Variants in C10orf143 observed in about 807,000 individuals in gnomAD.
The protein encoded by C10orf143 is uncharacterized protein C10orf143.
rs752577005 is a variant in C10orf143, at chr10:130,106,861, A to G, written c.69+3843T>C. The G allele has an allele frequency of 3.6e-6, 4 of 1,122,860 alleles. No individual in the cohort carries two copies. In the Admixed American group the frequency reaches 5.1e-5, roughly 14 times the overall value. 69.6% of individuals were successfully genotyped at this position (1,122,860 alleles called of 1,614,324 possible). On this transcript the variant is annotated intron_variant, in intron 1 of 3. Coordinates refer to ENST00000637128, the MANE Select transcript of C10orf143 (RefSeq NM_001355042.2). The stretch of plus-strand genomic sequence containing the variant: ...TCAAGACTCTGACTGAACATTTGCT[A>G]AAGATGAAAGATTGGGCTGCTAGGC...
intron 1 of C10orf143, among the ~76,000 whole-genome samples, chr10:130,089,547 T>G (rs1200116785): frequency 6.6e-6 from 1 of 152,228 alleles, no homozygotes; most frequent in Non-Finnish European, 1.5e-5. Context: ...AGCTGGGTCT[T>G]GAGTCTGCTT....
chr10:130,046,120 G>A (rs953476743), intron 3 of C10orf143, among the ~76,000 whole-genome samples: 1 of 151,212 alleles, frequency 6.6e-6, no homozygotes, highest in Non-Finnish European at 1.5e-5. Context: ...GGGACGGGGC[G>A]TGGCGTGGGG....
chr10:130,075,991 G>GTT (rs1003386182), intron 3 of C10orf143, among the ~76,000 whole-genome samples: 19 of 146,678 alleles, frequency 1.3e-4, no homozygotes, highest in South Asian at 8.4e-4. Context: ...TTGTTTGTTT[G>GTT]TTTTTTTTTT....
intron 3 of C10orf143, among the ~76,000 whole-genome samples, chr10:130,055,286 C>T (rs1196039987): frequency 1.3e-5 from 2 of 152,172 alleles, no homozygotes; most frequent in East Asian, 1.9e-4. Context: ...AGCTTCTTTA[C>T]AGCAAAGGAA....
intron 1 of C10orf143, chr10:130,106,253 C>G: frequency 6.6e-7 from 1 of 1,518,956 alleles, no homozygotes; most frequent in Non-Finnish European, 9.1e-7. Context: ...TAGGAGTCGG[C>G]TTTATGTGGG....
intron 1 of C10orf143, among the ~76,000 whole-genome samples, chr10:130,105,189 C>T (rs1861620419): frequency 6.6e-6 from 1 of 152,134 alleles, no homozygotes; most frequent in Non-Finnish European, 1.5e-5. Context: ...TGGCCTCCCA[C>T]AGTGCTGGGA....
At chr10:130,107,350 T>C in intron 1 of C10orf143, 2 of 1,073,338 alleles carry the variant, frequency 1.9e-6, no homozygotes, top group Non-Finnish European at 2.9e-6. Flanking sequence ...GAGCCAAAGA[T>C]CTTGAAGAAG....
intron 3 of C10orf143, among the ~76,000 whole-genome samples, chr10:130,075,607 A>T (rs774437003): frequency 1.2e-4 from 18 of 152,212 alleles, no homozygotes; most frequent in Non-Finnish European, 2.5e-4. Context: ...GGGGGAGCTG[A>T]TATGGTTCGG....
At position 130,065,300 on chromosome 10, in the gene C10orf143, T is replaced by A. The variant is rs1342448868; in HGVS notation, c.298-917A>T. 3.3e-5 allele frequency: 5 copies of A among 152,086 alleles called. No individual in the cohort carries two copies. Among genetic ancestry groups the A allele is most frequent in the African/African-American group, 1.2e-4 (5 of 41,388 alleles). 9.4% of individuals were successfully genotyped at this position (152,086 alleles called of 1,614,324 possible). On this transcript the variant is annotated intron_variant, in intron 3 of 3. Transcript: ENST00000637128. The surrounding 1 kb of genome is among the most constrained non-coding windows in gnomAD (Gnocchi z 4.2). ...CCTTCGAGTGATCAGAACGAAATGCTACAGGAGCCAGGGAAGACAGCACGT... is the reference window on the plus strand; with the variant it reads ...CCTTCGAGTGATCAGAACGAAATGCAACAGGAGCCAGGGAAGACAGCACGT...
At chr10:130,035,599 T>A (rs2764375) in intron 4 of C10orf143, among the ~76,000 whole-genome samples, 38,844 of 152,042 alleles carry the variant, frequency 0.26, 6,013 homozygotes, top group African/African-American at 0.42. Context: ...CACTGCTTAC[T>A]CGGTGCCCTC....
rs758343319 is a variant in C10orf143, at chr10:130,108,183, G to A, written c.69+2521C>T. 2.2e-4 allele frequency: 341 copies of A among 1,572,402 alleles called. No homozygotes were observed. In the Middle Eastern group the frequency reaches 4.5e-3, roughly 21 times the overall value. The stretch of plus-strand genomic sequence containing the variant: ...GATACAAGGGGCCCGTTCATGAGAA[G>A]AGCACCTCCTTTCCCCCCACCTCCT... On this transcript the variant is annotated intron_variant, in intron 1 of 3. Transcript: ENST00000637128.
intron 3 of C10orf143, chr10:130,067,539 G>A (rs1353717528): frequency 6.6e-6 from 1 of 152,162 alleles, no homozygotes; most frequent in Non-Finnish European, 1.5e-5. Flanking sequence ...CCCTCTGTGG[G>A]TTAAAGATGT....
Position 130,099,510 on chromosome 10 carries a change from TTTTA to T in C10orf143, c.69+11190_69+11193del, listed in dbSNP as rs140538908. Among the ~76,000 whole-genome samples the T allele has an allele frequency of 2.7e-3, 403 of 148,646 alleles. 2 individuals carry two copies. The highest frequency in any genetic ancestry group is 6.9e-3 in the Middle Eastern group (2 of 288). On this transcript the variant is annotated intron_variant, in intron 1 of 3. Coordinates refer to ENST00000637128, the MANE Select transcript of C10orf143 (RefSeq NM_001355042.2). ...TTAACTCTGAATCTTCTTCTTTTAT[TTTTA>T]TTTATTTATTTATTTATTTATTTAT...
chr10:130,101,762 A>G (rs1861554447), intron 1 of C10orf143, among the ~76,000 whole-genome samples: 1 of 140,828 alleles, frequency 7.1e-6, no homozygotes, highest in Non-Finnish European at 1.5e-5. Flanking sequence ...TGGGAGGCTG[A>G]GGCAGGAGAA....
chr10:130,094,337 A>C (rs1289758741), intron 1 of C10orf143, among the ~76,000 whole-genome samples: 1 of 152,210 alleles, frequency 6.6e-6, no homozygotes, highest in Non-Finnish European at 1.5e-5. Context: ...AACTATTCCA[A>C]ACAACAGAAA....
intron 1 of C10orf143, among the ~76,000 whole-genome samples, chr10:130,105,532 AC>A (rs991295230): frequency 6.6e-6 from 1 of 152,114 alleles, no homozygotes; most frequent in African/African-American, 2.4e-5. Flanking sequence ...GGAGTTCGAG[AC>A]CAGTCTGGCC....
At chr10:130,103,025 C>A (rs745829208) in intron 1 of C10orf143, among the ~76,000 whole-genome samples, 5 of 150,406 alleles carry the variant, frequency 3.3e-5, no homozygotes, top group Admixed American at 2.0e-4. Context: ...GCCACCCAGG[C>A]TGGCGTGCAA....
At chr10:130,077,423 C>T (rs1180548644) in intron 3 of C10orf143, among the ~76,000 whole-genome samples, 1 of 152,188 alleles carries the variant, frequency 6.6e-6, no homozygotes, top group Non-Finnish European at 1.5e-5. Flanking sequence ...AGGGAGCTTA[C>T]TGGAGAACAG....
chr10:130,079,476 A>G lies in C10orf143; in HGVS notation c.297+90T>C, dbSNP rs74162551. The G allele has an allele frequency of 2.0e-3, 778 of 398,298 alleles. 6 individuals are homozygous for G. The highest frequency in any genetic ancestry group is 0.014 in the African/African-American group (672 of 48,756). The allele number at this position is 398,298 out of a possible 1,614,324, so 24.7% of individuals were successfully genotyped here. ...ATGTTCCTCATTCTTCAGAAACATA[A>G]TTGCAGTTTTTATTAACTTTGTTTT... On this transcript the variant is annotated intron_variant, in intron 3 of 3. Transcript: ENST00000637128.
Sources: allele counts gnomAD v4.1 joint callset (sites outside exome capture counted in the v4.1 genomes callset), GRCh38; gene constraint gnomAD v4.1.1; non-coding constraint Gnocchi (gnomAD v3.1); transcripts MANE v1.5; gene names NCBI Gene and HGNC (gene_info 2026-07-23, HGNC 2026-07-21).